The following ANTXR2 variants were observed in gnomAD, a reference collection of about 807,000 sequenced individuals.
The protein encoded by ANTXR2 is ANTXR cell adhesion molecule 2.
In ANTXR2, 44 loss-of-function variants were observed where a neutral mutation model predicts 73.7. The observed-to-expected ratio is 0.60, with a 90% CI of 0.47 to 0.77. The LOEUF (loss-of-function observed/expected upper bound fraction) is 0.77, where lower values mean the gene tolerates loss of function less well. Among genes scored for constraint, ANTXR2 ranks in the 30% least tolerant of loss-of-function variants. ANTXR2 has a pLI of 0.00. For synonymous variants in ANTXR2, 217 were observed against 205.9 expected, an observed-to-expected ratio of 1.05 and a Z score of -0.46; for missense variants, 604 against 592.5, an observed-to-expected ratio of 1.02 and a Z score of -0.20.
chr4:80,010,415 C>T (rs1414507802), intron 11 of ANTXR2, among the ~76,000 whole-genome samples: 2 of 152,128 alleles, frequency 1.3e-5, no homozygotes, highest in Non-Finnish European at 2.9e-5. Context: ...TGTGACTGTC[C>T]ATGTACAGAA....
chr4:80,003,363 A>G (rs1449573471), intron 12 of ANTXR2, among the ~76,000 whole-genome samples: 4 of 139,460 alleles, frequency 2.9e-5, no homozygotes, highest in African/African-American at 1.1e-4. Flanking sequence ...TTGAACAATG[A>G]GAACACATGG....
chr4:80,071,695 G>C, intron 1 of ANTXR2, 41 bp from the exon 2 acceptor site: 1 of 1,482,210 alleles, frequency 6.7e-7, no homozygotes, highest in South Asian at 1.2e-5. Flanking sequence ...ACAAAACACG[G>C]AACTGAAAAG....
At chr4:79,937,936 TC>T (rs1728344842) in intron 16 of ANTXR2, among the ~76,000 whole-genome samples, 1 of 133,856 alleles carries the variant, frequency 7.5e-6, no homozygotes, top group East Asian at 2.3e-4. Flanking sequence ...GTCAGGGAGT[TC>T]CCTTTCCGAG....
intron 1 of ANTXR2, among the ~76,000 whole-genome samples, chr4:80,071,880 G>A (rs1237424136): frequency 1.3e-5 from 2 of 152,010 alleles, no homozygotes; most frequent in East Asian, 3.9e-4. Flanking sequence ...AAGTCAGCCC[G>A]TTTTCTGGGG....
chr4:79,926,886 T>TACAC (rs1727803806), intron 16 of ANTXR2, among the ~76,000 whole-genome samples: 2 of 151,974 alleles, frequency 1.3e-5, no homozygotes, highest in Non-Finnish European at 2.9e-5. Flanking sequence ...TGTGTATATA[T>TACAC]ATGTGTGTAT....
chr4:79,928,634 T>A (rs1727925714), intron 16 of ANTXR2, among the ~76,000 whole-genome samples: 1 of 152,124 alleles, frequency 6.6e-6, no homozygotes, highest in African/African-American at 2.4e-5. Flanking sequence ...ATACAAATTT[T>A]AAAAAATCTA....
In ANTXR2 at chr4:80,041,006, A is replaced by G. The variant is rs549174010; in HGVS notation, c.637-4974T>C. Among the ~76,000 whole-genome samples, 5 of 152,268 alleles carry G rather than the reference A, an allele frequency of 3.3e-5. No individual in the cohort carries two copies. In the East Asian group the frequency reaches 5.8e-4, roughly 18 times the overall value. On this transcript the variant is annotated intron_variant, in intron 7 of 16. Coordinates refer to ENST00000403729, the MANE Select transcript of ANTXR2 (RefSeq NM_058172.6). Reference sequence around the variant, plus strand: ...TAGTCCAAAATTCAAAAGAATTTCTAACATGATAATAGTTAACCATTCATT... The same window carrying G: ...TAGTCCAAAATTCAAAAGAATTTCTGACATGATAATAGTTAACCATTCATT...
chr4:79,916,349 A>G (rs1305572540), intron 16 of ANTXR2, among the ~76,000 whole-genome samples: 1 of 152,104 alleles, frequency 6.6e-6, no homozygotes, highest in African/African-American at 2.4e-5. Flanking sequence ...GTGCTTCCTA[A>G]TAAGTCAAAA....
At position 79,927,534 on chromosome 4, in the gene ANTXR2, A is replaced by T. The variant is rs1361611124; in HGVS notation, c.1429-20067T>A. Reference sequence around the variant, plus strand: ...GTATACTTTAAATAATCTCTAGATCACTTATAGTGTCTAATACAATGTAAA... The same window carrying T: ...GTATACTTTAAATAATCTCTAGATCTCTTATAGTGTCTAATACAATGTAAA... On this transcript the variant is annotated intron_variant, in intron 16 of 16. Transcript: ENST00000403729. Among the ~76,000 whole-genome samples, 5 of 152,290 alleles carry T rather than the reference A, an allele frequency of 3.3e-5. No homozygotes were observed. In the East Asian group the frequency reaches 9.6e-4, roughly 29 times the overall value.
chr4:79,938,045 C>A (rs1460584102), intron 16 of ANTXR2, among the ~76,000 whole-genome samples: 1 of 39,164 alleles, frequency 2.6e-5, no homozygotes, highest in Non-Finnish European at 5.1e-5. Flanking sequence ...CACCACGAGA[C>A]TATATCCCAC....
At chr4:79,994,725 T>A (rs955913248) in intron 12 of ANTXR2, among the ~76,000 whole-genome samples, 6 of 151,932 alleles carry the variant, frequency 3.9e-5, no homozygotes, top group African/African-American at 1.4e-4. Flanking sequence ...CAATTTAAAA[T>A]CCCCATATGA....
intron 12 of ANTXR2, 61 bp from the exon 13 acceptor site, chr4:79,984,924 G>A: frequency 3.0e-6 from 4 of 1,333,400 alleles, no homozygotes; most frequent in Non-Finnish European, 4.2e-6. Flanking sequence ...GTAAGGATGT[G>A]TAAAAATAAT....
At chr4:80,034,564 G>A (rs1732866907) in intron 8 of ANTXR2, among the ~76,000 whole-genome samples, 1 of 152,110 alleles carries the variant, frequency 6.6e-6, no homozygotes, top group Non-Finnish European at 1.5e-5. Flanking sequence ...CCTGTGGAAA[G>A]TCCCTAGTTA....
chr4:80,026,654 T>C (rs1230448806), intron 10 of ANTXR2, among the ~76,000 whole-genome samples: 1 of 152,004 alleles, frequency 6.6e-6, no homozygotes, highest in Non-Finnish European at 1.5e-5. Context: ...TAGAAAGTAT[T>C]TCCTTATATT....
At chr4:80,044,158 G>A (rs957337503) in intron 7 of ANTXR2, among the ~76,000 whole-genome samples, 1 of 151,922 alleles carries the variant, frequency 6.6e-6, no homozygotes, top group Non-Finnish European at 1.5e-5. Context: ...TGACGGTAAA[G>A]ACAAATTGCT....
chr4:80,036,350 T>C (rs1489036610), intron 7 of ANTXR2, among the ~76,000 whole-genome samples: 1 of 152,158 alleles, frequency 6.6e-6, no homozygotes, highest in Non-Finnish European at 1.5e-5. Context: ...CCTGCTGCCA[T>C]AAAATCTATG....
chr4:80,033,529 C>A lies in ANTXR2; in HGVS notation c.739G>T (p.Gly247Cys). 9 of 1,597,650 alleles carry A rather than the reference C, an allele frequency of 5.6e-6. No homozygotes were observed. The highest frequency in any genetic ancestry group is 6.8e-6 in the Non-Finnish European group (8 of 1,174,194). The change falls in exon 9 of 17, where the codon GGC becomes TGC. Residue 247 changes from glycine (G) to cysteine (C), a missense_variant. By Grantham distance (159) the Gly-to-Cys change is radical. Transcript: ENST00000403729. The stretch of plus-strand genomic sequence containing the variant: ...CAGAGAACACTGCCATTCCGACTGC[C>A]CAGCATGAATCCTCTTCCACTTAAG... ...IVLSGRGFML[G>C]SRNGSVLCTY...
intron 16 of ANTXR2, among the ~76,000 whole-genome samples, chr4:79,948,256 A>C (rs1728583546): frequency 6.6e-6 from 1 of 152,160 alleles, no homozygotes; most frequent in Non-Finnish European, 1.5e-5. Context: ...TGTGGTTCAG[A>C]TAAGAGGACT....
chr4:79,937,537 ACTGT>A (rs1728315439), intron 16 of ANTXR2, among the ~76,000 whole-genome samples: 1 of 152,200 alleles, frequency 6.6e-6, no homozygotes, highest in Non-Finnish European at 1.5e-5. Context: ...TGAGAGAGGT[ACTGT>A]CTATCAGGGT....
Sources: allele counts gnomAD v4.1 joint callset (sites outside exome capture counted in the v4.1 genomes callset), GRCh38; gene constraint gnomAD v4.1.1; transcripts MANE v1.5; gene names NCBI Gene and HGNC (gene_info 2026-07-23, HGNC 2026-07-21).